The following GRIK1 variants were observed in gnomAD, a reference collection of about 807,000 sequenced individuals.
GRIK1 encodes the protein glutamate receptor ionotropic, kainate 1.
Under a neutral mutation model 105.7 loss-of-function variants are expected in GRIK1, and 69 were observed. The ratio of observed to expected loss-of-function variants is 0.65; its 90% CI spans 0.54 to 0.80. The LOEUF (loss-of-function observed/expected upper bound fraction) is 0.80, where lower values mean the gene tolerates loss of function less well. Among genes scored for constraint, GRIK1 ranks in the 30% least tolerant of loss-of-function variants. The pLI is 0.00. For missense variants in GRIK1, 1,109 were observed against 1,167.3 expected, an observed-to-expected ratio of 0.95 and a Z score of 0.73; for synonymous variants, 438 against 431.3, an observed-to-expected ratio of 1.02 and a Z score of -0.19.
rs960036049 is a variant in GRIK1 at position 29,564,511 on chromosome 21, A to G, written c.2131-2662T>C. Among the ~76,000 whole-genome samples the G allele has an allele frequency of 2.0e-5, 3 of 152,354 alleles. No individual in the cohort carries two copies. The East Asian group carries it at 5.8e-4, about 29-fold the overall frequency. Reference sequence around the variant, plus strand: ...TGTTAGAAAACTGAATTTGTGGTTTATGGAAGTCAAAAACAAAGTCAATGT... The same window carrying G: ...TGTTAGAAAACTGAATTTGTGGTTTGTGGAAGTCAAAAACAAAGTCAATGT... On this transcript the variant is annotated intron_variant, in intron 14 of 17. Coordinates refer to ENST00000327783, the MANE Select transcript of GRIK1 (RefSeq NM_001330994.2).
chr21:29,648,726 CAA>C (rs2062666689), intron 6 of GRIK1, among the ~76,000 whole-genome samples: 4 of 151,804 alleles, frequency 2.6e-5, no homozygotes, highest in Admixed American at 2.6e-4. Flanking sequence ...ATGAAGAAAA[CAA>C]AAACAGGTAA....
chr21:29,642,374 T>C (rs930521654), intron 7 of GRIK1, among the ~76,000 whole-genome samples: 1 of 152,190 alleles, frequency 6.6e-6, no homozygotes, highest in Non-Finnish European at 1.5e-5. Flanking sequence ...AAATAGTCAC[T>C]ATATAATTAA....
chr21:29,806,232 A>G (rs1376956418), intron 1 of GRIK1, among the ~76,000 whole-genome samples: 1 of 152,136 alleles, frequency 6.6e-6, no homozygotes, highest in African/African-American at 2.4e-5. Flanking sequence ...TGAACTTTTC[A>G]TTGACATTGA....
chr21:29,807,400 G>A (rs942846607), intron 1 of GRIK1, among the ~76,000 whole-genome samples: 1 of 152,088 alleles, frequency 6.6e-6, no homozygotes, highest in Admixed American at 6.6e-5. Flanking sequence ...ATGGAACCAG[G>A]AAGGCAAGTG....
At chr21:29,864,699 A>G (rs2146105189) in intron 1 of GRIK1, among the ~76,000 whole-genome samples, 1 of 151,680 alleles carries the variant, frequency 6.6e-6, no homozygotes, top group South Asian at 2.1e-4. Flanking sequence ...CTCTTTGTTC[A>G]TTATGCACTT....
At chr21:29,824,721 C>A (rs1415886646) in intron 1 of GRIK1, among the ~76,000 whole-genome samples, 1 of 151,920 alleles carries the variant, frequency 6.6e-6, no homozygotes, top group Non-Finnish European at 1.5e-5. Context: ...GGACGAGAAT[C>A]GAGATGGTTC....
intron 1 of GRIK1, among the ~76,000 whole-genome samples, chr21:29,718,319 T>C (rs747765344): frequency 7.9e-5 from 12 of 152,198 alleles, no homozygotes; most frequent in Non-Finnish European, 8.8e-5. Context: ...TGGATTGGAA[T>C]TGAGTCAGTA....
chr21:29,920,288 G>T (rs942099885), intron 1 of GRIK1, among the ~76,000 whole-genome samples: 10 of 151,932 alleles, frequency 6.6e-5, no homozygotes, highest in Non-Finnish European at 1.5e-4. Context: ...ATTAGAAAGG[G>T]CTACTATATG....
At chr21:29,623,411 C>A (rs2146441477) in intron 7 of GRIK1, among the ~76,000 whole-genome samples, 1 of 151,840 alleles carries the variant, frequency 6.6e-6, no homozygotes, top group South Asian at 2.1e-4. Flanking sequence ...TTAGTTATGA[C>A]CCAAACCCTG....
intron 1 of GRIK1, among the ~76,000 whole-genome samples, chr21:29,907,057 G>A (rs377472665): frequency 2.0e-5 from 3 of 150,068 alleles, no homozygotes; most frequent in African/African-American, 7.3e-5. Flanking sequence ...TAAATCTAAA[G>A]TTTCTGCAAA....
chr21:29,876,112 A>ATATGTGTG (rs142408189), intron 1 of GRIK1, among the ~76,000 whole-genome samples: 9,872 of 149,016 alleles, frequency 0.066, 464 homozygotes, highest in Non-Finnish European at 0.095. Flanking sequence ...GGAGATAGAT[A>ATATGTGTG]TGTGTGTGTG....
intron 12 of GRIK1, among the ~76,000 whole-genome samples, chr21:29,586,232 G>T (rs2091128103): frequency 6.6e-6 from 1 of 152,168 alleles, no homozygotes; most frequent in African/African-American, 2.4e-5. Context: ...AGTTTATAAG[G>T]CCTAGAGAAC....
intron 16 of GRIK1, among the ~76,000 whole-genome samples, chr21:29,543,430 T>A (rs1310410728): frequency 6.6e-6 from 1 of 152,124 alleles, no homozygotes; most frequent in Non-Finnish European, 1.5e-5. Context: ...TCTCACTAAT[T>A]ATGTGAAGGC....
At chr21:29,852,819 G>C (rs2068350175) in intron 1 of GRIK1, among the ~76,000 whole-genome samples, 1 of 152,152 alleles carries the variant, frequency 6.6e-6, no homozygotes, top group South Asian at 2.1e-4. Flanking sequence ...TTCAAAGTTA[G>C]ATTTGAAATT....
Position 29,695,470 on chromosome 21 carries a change from A to G in GRIK1, c.119-1407T>C, listed in dbSNP as rs1326552210. Among the ~76,000 whole-genome samples the G allele has an allele frequency of 3.4e-5, 5 of 146,162 alleles. 1 individual carries two copies. The Admixed American group carries it at 3.4e-4, about 10-fold the overall frequency. On this transcript the variant is annotated intron_variant, in intron 1 of 17. Transcript: ENST00000327783. The stretch of plus-strand genomic sequence containing the variant: ...TATCTATCTATCTATCTATCTATCT[A>G]TCTATCTATATATATATATTTTGAG...
At chr21:29,573,368 C>A (rs1382826957) in intron 14 of GRIK1, among the ~76,000 whole-genome samples, 1 of 152,140 alleles carries the variant, frequency 6.6e-6, no homozygotes, top group Non-Finnish European at 1.5e-5. Flanking sequence ...GTAATGTAGT[C>A]ATTCAGGGTC....
intron 1 of GRIK1, among the ~76,000 whole-genome samples, chr21:29,770,517 C>T (rs181026518): frequency 6.6e-6 from 1 of 152,162 alleles, no homozygotes; most frequent in African/African-American, 2.4e-5. Flanking sequence ...TGTCTCCAGG[C>T]AGGAAGGTGA....
At chr21:29,619,529 C>T (rs1381904179) in intron 7 of GRIK1, among the ~76,000 whole-genome samples, 1 of 152,042 alleles carries the variant, frequency 6.6e-6, no homozygotes, top group South Asian at 2.1e-4. Context: ...AATTGGGTTC[C>T]GTGTATACTA....
At chr21:29,931,512 C>A (rs538284026) in intron 1 of GRIK1, among the ~76,000 whole-genome samples, 6 of 152,290 alleles carry the variant, frequency 3.9e-5, no homozygotes, top group African/African-American at 1.2e-4. Flanking sequence ...TAACCTGGAT[C>A]CCCTGGCTCT....
Sources: gnomAD v4.1 joint callset for allele counts (sites outside exome capture counted in the v4.1 genomes callset) on GRCh38, gnomAD v4.1.1 for gene constraint, MANE v1.5 for transcripts, NCBI Gene and HGNC (gene_info 2026-07-23, HGNC 2026-07-21) for gene names.